Variants in SLC6A15 observed in about 807,000 individuals in gnomAD.
The protein encoded by SLC6A15 is solute carrier family 6 member 15, also known as sodium-dependent neutral amino acid transporter B(0)AT2.
Under a neutral mutation model 68.5 loss-of-function variants are expected in SLC6A15, and 33 were observed. That is an observed-to-expected ratio of 0.48 (90% confidence interval 0.37 to 0.64). The LOEUF is 0.64. SLC6A15 is among the 30% of genes least tolerant of loss of function. The probability of loss-of-function intolerance (pLI) is 0.00; values close to 1 mark genes in which losing one functional copy is unlikely to be tolerated. For missense variants in SLC6A15, 747 were observed against 874.3 expected (o/e 0.85, Z 1.84); for synonymous variants, 347 against 301.0 (o/e 1.15, Z -1.58).
At chr12:84,871,183 A>G (rs968927745) in intron 8 of SLC6A15, among the ~76,000 whole-genome samples, 33 of 151,722 alleles carry the variant, frequency 2.2e-4, no homozygotes, top group Non-Finnish European at 2.9e-4. Context: ...GTTTTGATTT[A>G]AGAGAAAACT....
Position 84,892,184 on chromosome 12 carries a change from C to G in SLC6A15, c.-64G>C, listed in dbSNP as rs1872437616. The G allele has an allele frequency of 4.2e-6, 6 of 1,419,610 alleles. No individual in the cohort carries two copies. The highest frequency in any genetic ancestry group is 2.8e-5 in the South Asian group (2 of 71,496). 87.9% of individuals were successfully genotyped at this position (1,419,610 alleles called of 1,614,324 possible). A position where few individuals can be genotyped will look rare whatever the true frequency, so the allele number is the denominator to read the frequency against. On this transcript the variant is annotated 5_prime_UTR_variant, in exon 2 of 12. Transcript: ENST00000266682. ...CTCCCTTATGGCAAATGTGTTAACT[C>G]TATTTTTCAAAACAATGTTACTTGA...
chr12:84,861,939 G>A lies in SLC6A15; in HGVS notation c.1886C>T (p.Ala629Val). 1.9e-6 allele frequency: 3 copies of A among 1,613,796 alleles called. No individual in the cohort carries two copies. The highest frequency in any genetic ancestry group is 2.5e-6 in the Non-Finnish European group (3 of 1,179,822). ...LVVCVSLVVFAILPVPVVFIV... is the reference protein window; with the variant it reads ...LVVCVSLVVFVILPVPVVFIV... ...GAAAACTACAGGGACTGGGAGTATT[G>A]CAAAGACAACCAGAGAGACACAAAC... Residue 629 changes from alanine to valine, a missense_variant, in exon 12 of 12, where the codon GCA (alanine) becomes GTA (valine). Coordinates refer to ENST00000266682, the MANE Select transcript of SLC6A15 (RefSeq NM_182767.6).
intron 1 of SLC6A15, among the ~76,000 whole-genome samples, chr12:84,898,696 T>C (rs1872730990): frequency 6.6e-6 from 1 of 152,200 alleles, no homozygotes; most frequent in African/African-American, 2.4e-5. Flanking sequence ...ATTCTCTCTT[T>C]TATTACTATG....
chr12:84,879,535 A>G (rs1871723799), intron 5 of SLC6A15, among the ~76,000 whole-genome samples: 1 of 151,814 alleles, frequency 6.6e-6, no homozygotes, highest in South Asian at 2.1e-4. Context: ...CGTTTTGCCC[A>G]GGCTGGTCTC....
At chr12:84,900,314 T>C (rs1020577447) in intron 1 of SLC6A15, among the ~76,000 whole-genome samples, 2 of 151,998 alleles carry the variant, frequency 1.3e-5, no homozygotes, top group African/African-American at 4.8e-5. Context: ...TTAATATAGG[T>C]TTCTGCCCAC....
rs191881255 is a variant in SLC6A15, at chr12:84,881,552, C to T, written c.756+2307G>A. On this transcript the variant is annotated intron_variant, in intron 5 of 11. Transcript: ENST00000266682. ...CTACCTAGCCCAAAGGACAATGTCC[C>T]TATCATACCCCTCTTTTAATTCATG... 118 of 985,358 alleles carry T rather than the reference C, an allele frequency of 1.2e-4. No homozygotes were observed. The African/African-American group carries it at 2.0e-3, about 16-fold the overall frequency. 61.0% of individuals were successfully genotyped at this position (985,358 alleles called of 1,614,324 possible).
chr12:84,878,531 A>AT (rs1259097488), intron 5 of SLC6A15, among the ~76,000 whole-genome samples: 2 of 152,164 alleles, frequency 1.3e-5, no homozygotes, highest in African/African-American at 4.8e-5. Flanking sequence ...TATAAATAAT[A>AT]TAATTGACTT....
chr12:84,873,510 T>A (rs999600391), intron 6 of SLC6A15, among the ~76,000 whole-genome samples, 182 bp from the exon 7 acceptor site: 1 of 152,202 alleles, frequency 6.6e-6, no homozygotes, highest in Non-Finnish European at 1.5e-5. Context: ...TAATTATGAG[T>A]AAGAAAGTTG....
intron 7 of SLC6A15, 47 bp downstream of exon 7, chr12:84,873,040 C>G (rs762626642): frequency 6.3e-7 from 1 of 1,579,732 alleles, no homozygotes; most frequent in Admixed American, 1.8e-5. Context: ...GTATAAATAA[C>G]AAGATAAAAA....
At chr12:84,908,817 C>A (rs1873301945) in intron 1 of SLC6A15, among the ~76,000 whole-genome samples, 1 of 151,918 alleles carries the variant, frequency 6.6e-6, no homozygotes, top group Admixed American at 6.6e-5. Context: ...TCTTTTTACA[C>A]AACTATTACT....
At chr12:84,870,800 T>A in intron 8 of SLC6A15, 130 bp from the exon 9 acceptor site, 1 of 527,400 alleles carries the variant, frequency 1.9e-6, no homozygotes, top group Non-Finnish European at 3.3e-6. Context: ...CATGCTCAAA[T>A]CAGCTCTTAA....
chr12:84,897,798 C>T (rs912017266), intron 1 of SLC6A15, among the ~76,000 whole-genome samples: 2 of 151,916 alleles, frequency 1.3e-5, no homozygotes, highest in South Asian at 4.1e-4. Flanking sequence ...GGAAAGACTA[C>T]ATAATCATAA....
chr12:84,904,207 G>T lies in SLC6A15; in HGVS notation c.-189+8316C>A, dbSNP rs77435594. On this transcript the variant is annotated intron_variant, in intron 1 of 11. Coordinates refer to ENST00000266682, the MANE Select transcript of SLC6A15 (RefSeq NM_182767.6). ...AAGAGGGAGAGAAAGGGAGAGAAAG[G>T]GGGGAGGGGCGGAGGGGGAGAGAGA... Among the ~76,000 whole-genome samples the T allele has an allele frequency of 2.5e-4, 37 of 145,834 alleles. No individual in the cohort carries two copies. The East Asian group carries it at 6.6e-3, about 26-fold the overall frequency.
intron 1 of SLC6A15, among the ~76,000 whole-genome samples, chr12:84,897,681 A>G (rs992914603): frequency 2.0e-5 from 3 of 152,168 alleles, no homozygotes; most frequent in African/African-American, 7.2e-5. Context: ...ATGATCTCCA[A>G]TTTTATACCC....
At chr12:84,876,473 C>T in intron 6 of SLC6A15, 24 bp downstream of exon 6, 1 of 1,170,700 alleles carries the variant, frequency 8.5e-7, no homozygotes, top group Non-Finnish European at 1.2e-6. Context: ...GATCATAAGC[C>T]TTAAATAGAA....
intron 3 of SLC6A15, 54 bp downstream of exon 3, chr12:84,885,857 T>C (rs549216748): frequency 1.0e-5 from 15 of 1,483,576 alleles, no homozygotes; most frequent in Middle Eastern, 1.8e-4. Flanking sequence ...ATGTTAATTA[T>C]ATAATTTGAA....
chr12:84,909,318 G>C (rs1398767894), intron 1 of SLC6A15, among the ~76,000 whole-genome samples: 1 of 152,140 alleles, frequency 6.6e-6, no homozygotes, highest in Non-Finnish European at 1.5e-5. Flanking sequence ...GAAATAAAGT[G>C]ACCTTCAAGG....
At position 84,906,364 on chromosome 12, in the gene SLC6A15, C is replaced by T. The variant is rs1338912657; in HGVS notation, c.-189+6159G>A. Among the ~76,000 whole-genome samples, 4 of 152,232 alleles carry T rather than the reference C, an allele frequency of 2.6e-5. No homozygotes were observed. In the East Asian group the frequency reaches 5.8e-4, roughly 22 times the overall value. ...TCAACATAAGAAAGATGTCAAATTT[C>T]CCTAAATTGATATATGGTTAAATGA... is the stretch of plus-strand genomic sequence containing the variant. On this transcript the variant is annotated intron_variant, in intron 1 of 11. Transcript: ENST00000266682.
At chr12:84,885,870 C>A (rs1177878387) in intron 3 of SLC6A15, 41 bp downstream of exon 3, 3 of 1,531,968 alleles carry the variant, frequency 2.0e-6, no homozygotes, top group East Asian at 2.3e-5. Context: ...AATTTGAAAC[C>A]CTATAAAGAT....
Sources: allele counts gnomAD v4.1 joint callset (sites outside exome capture counted in the v4.1 genomes callset), GRCh38; gene constraint gnomAD v4.1.1; transcripts MANE v1.5; gene names NCBI Gene and HGNC (gene_info 2026-07-23, HGNC 2026-07-21).